The following TRIT1 variants were observed in gnomAD, a reference collection of about 807,000 sequenced individuals.
The protein encoded by TRIT1 is tRNA isopentenyltransferase 1.
In TRIT1, 43 loss-of-function variants were observed where a neutral mutation model predicts 51.2. The observed-to-expected ratio is 0.84, with a 90% CI of 0.66 to 1.08. The LOEUF is 1.08. Among genes scored for constraint, TRIT1 ranks in the 50% least tolerant of loss-of-function variants. The pLI is 0.00. For missense variants in TRIT1, 528 were observed against 578.4 expected, an observed-to-expected ratio of 0.91 and a Z score of 0.89; for synonymous variants, 184 against 203.9, an observed-to-expected ratio of 0.90 and a Z score of 0.83.
At chr1:39,866,378 G>T (rs1459113173) in intron 1 of TRIT1, among the ~76,000 whole-genome samples, 1 of 152,138 alleles carries the variant, frequency 6.6e-6, no homozygotes, top group Non-Finnish European at 1.5e-5. Flanking sequence ...CGGGAGAAAA[G>T]ATAGTTTTAG....
intron 9 of TRIT1, 141 bp downstream of exon 9, chr1:39,844,390 T>G (rs1642101302): frequency 1.2e-6 from 1 of 834,754 alleles, no homozygotes; most frequent in African/African-American, 1.7e-5. Flanking sequence ...AAAAGCAGTC[T>G]CCAGGTATTA....
Position 39,883,310 on chromosome 1 carries a change from T to A in TRIT1, c.174+8A>T, listed in dbSNP as rs765786470. 6.2e-7 allele frequency: 1 copy of A among 1,601,150 alleles called. No homozygotes were observed. The highest frequency in any genetic ancestry group is 1.1e-5 in the South Asian group (1 of 89,556). ...CCCCAGGCGCCCGGGCCAGCCGCAC[T>A]GCCATACCTGCATGGAGTCAGCGCT... On this transcript the variant is annotated splice_region_variant and intron_variant, in intron 1 of 10. Transcript: ENST00000316891.
At position 39,852,861 on chromosome 1, in the gene TRIT1, T is replaced by A. The variant is rs1430106590; in HGVS notation, c.430A>T (p.Thr144Ser). 1.2e-6 allele frequency: 2 copies of A among 1,614,218 alleles called. No homozygotes were observed. The highest frequency in any genetic ancestry group is 3.3e-5 in the Admixed American group (2 of 60,030). Residue 144 changes from threonine to serine, a missense_variant, in exon 4 of 11, where the codon ACT becomes TCT. Thr to Ser is a moderately conservative substitution (Grantham distance 58). Coordinates refer to ENST00000316891, the MANE Select transcript of TRIT1 (RefSeq NM_017646.6). ...ACTTTTCGGTCAATCACTTTCTCAG[T>A]GCCCATCTCCTGGGGCTATTAAATG... The part of the protein sequence containing the change: ...LVNTKPQEMG[T>S]EKVIDRKVEL...
chr1:39,852,087 T>C (rs1557543784), intron 4 of TRIT1, among the ~76,000 whole-genome samples: 3 of 152,042 alleles, frequency 2.0e-5, no homozygotes, highest in African/African-American at 4.8e-5. Flanking sequence ...CCCCTATGAA[T>C]ATGAGATGTT....
rs1642895943 is a variant in TRIT1, at chr1:39,856,345, G to A, written c.315+932C>T. On this transcript the variant is annotated intron_variant, in intron 2 of 10. Coordinates refer to ENST00000316891, the MANE Select transcript of TRIT1 (RefSeq NM_017646.6). ...ATAAAATGAAAATAATCAGCTGGGT[G>A]TGGTGGTAAGCACCTGTAGTCCCAG... is the stretch of plus-strand genomic sequence containing the variant. Among the ~76,000 whole-genome samples the A allele has an allele frequency of 2.0e-5, 3 of 152,038 alleles. No individual in the cohort carries two copies. In the South Asian group the frequency reaches 6.2e-4, roughly 32 times the overall value.
In TRIT1 at chr1:39,850,221, C is replaced by G. The variant is rs752192261; in HGVS notation, c.601G>C (p.Glu201Gln). 6.8e-6 allele frequency: 11 copies of G among 1,614,170 alleles called. No homozygotes were observed. The Admixed American group carries it at 8.3e-5, about 12-fold the overall frequency. ...TCCGTATGTTGACGATGGAGAAATT[C>G]ACTATGAGAGATTCCTGTTTCTTCA... ...VFEETGISHS[E>Q]FLHRQHTEEG... The change falls in exon 5 of 11, where the codon GAA becomes CAA. Residue 201 changes from glutamate (E) to glutamine (Q), a missense_variant. Glu to Gln is a conservative substitution (Grantham distance 29). Around this residue, in one of 3 missense-constraint regions of TRIT1, gnomAD observed 468 missense variants for 522.6 expected, o/e 0.90. Coordinates refer to ENST00000316891, the MANE Select transcript of TRIT1 (RefSeq NM_017646.6).
chr1:39,864,978 C>G (rs555714248), intron 1 of TRIT1, among the ~76,000 whole-genome samples: 1 of 152,214 alleles, frequency 6.6e-6, no homozygotes, highest in Non-Finnish European at 1.5e-5. Flanking sequence ...CCTTCAATCA[C>G]TTTCTTGCCT....
chr1:39,862,310 AT>A lies in TRIT1; in HGVS notation c.175-4894del, dbSNP rs1298572451. 4.9e-5 allele frequency among the ~76,000 whole-genome samples: 6 copies of A among 123,014 alleles called. No individual in the cohort carries two copies. The East Asian group carries it at 6.4e-4, about 13-fold the overall frequency. 80.7% of individuals were successfully genotyped at this position (123,014 alleles called of 152,430 possible). ...GGTTAATGGTCAATGTTATATCACA[AT>A]TTAAAAAAAAAAAAAAAAAGACTTG... On this transcript the variant is annotated intron_variant, in intron 1 of 10. Coordinates refer to ENST00000316891, the MANE Select transcript of TRIT1 (RefSeq NM_017646.6).
At chr1:39,847,938 T>G in intron 6 of TRIT1, 48 bp downstream of exon 6, 1 of 1,553,896 alleles carries the variant, frequency 6.4e-7, no homozygotes, top group South Asian at 1.1e-5. Context: ...GTCTTTTGAT[T>G]GTCTGCAAAA....
chr1:39,883,212 C>G (rs1570163821), intron 1 of TRIT1, 106 bp downstream of exon 1: 5 of 1,254,922 alleles, frequency 4.0e-6, no homozygotes, highest in Non-Finnish European at 5.5e-6. Flanking sequence ...TTACCTACCC[C>G]CTCCGCCCCT....
Position 39,838,572 on chromosome 1 carries a change from AG to A in TRIT1, c.*3171del, listed in dbSNP as rs1652461215. ...CTGAAGCCTCAATCTCCCAGGCCCA[AG>A]CCATCCTCCTACCTGAGCCTTCCAC... On this transcript the variant is annotated 3_prime_UTR_variant, in exon 11 of 11. Coordinates refer to ENST00000316891, the MANE Select transcript of TRIT1 (RefSeq NM_017646.6). 6.6e-6 allele frequency among the ~76,000 whole-genome samples: 1 copy of A among 152,194 alleles called. No homozygotes were observed. Among genetic ancestry groups the A allele is most frequent in the South Asian group, 2.1e-4 (1 of 4,832 alleles).
chr1:39,845,807 G>A (rs1642190049), intron 8 of TRIT1, among the ~76,000 whole-genome samples: 1 of 152,178 alleles, frequency 6.6e-6, no homozygotes, highest in Admixed American at 6.5e-5. Context: ...CCATATCCCA[G>A]CAGACCAGCC....
At chr1:39,869,175 G>A (rs185286982) in intron 1 of TRIT1, among the ~76,000 whole-genome samples, 184 of 151,120 alleles carry the variant, frequency 1.2e-3, no homozygotes, top group Non-Finnish European at 1.6e-3. Context: ...CTGTAGTGCC[G>A]CCATCTCGGC....
chr1:39,856,007 C>A (rs1642874685), intron 2 of TRIT1, among the ~76,000 whole-genome samples: 1 of 151,794 alleles, frequency 6.6e-6, no homozygotes, highest in African/African-American at 2.4e-5. Context: ...CAAAATCCAT[C>A]TCTACAAAAA....
chr1:39,847,412 T>C, intron 7 of TRIT1, 115 bp from the exon 8 acceptor site: 4 of 1,431,122 alleles, frequency 2.8e-6, no homozygotes, highest in Non-Finnish European at 3.9e-6. Context: ...ATGTCAGACT[T>C]GGTGGACAAA....
At chr1:39,874,239 G>C (rs748525294) in intron 1 of TRIT1, among the ~76,000 whole-genome samples, 1 of 151,858 alleles carries the variant, frequency 6.6e-6, no homozygotes, top group Non-Finnish European at 1.5e-5. Context: ...TTAATATTTG[G>C]GGCCAAATAA....
At chr1:39,846,573 G>A (rs1368653792) in intron 8 of TRIT1, among the ~76,000 whole-genome samples, 1 of 152,134 alleles carries the variant, frequency 6.6e-6, no homozygotes, top group Non-Finnish European at 1.5e-5. Flanking sequence ...CCGACTAGCT[G>A]GGTGATTTTT....
intron 1 of TRIT1, among the ~76,000 whole-genome samples, chr1:39,869,085 C>A (rs181602742): frequency 1.3e-5 from 2 of 151,792 alleles, no homozygotes; most frequent in Admixed American, 1.3e-4. Context: ...CTCTCCCTCT[C>A]CCCCTCCCCC....
At chr1:39,869,613 G>T (rs1212439268) in intron 1 of TRIT1, among the ~76,000 whole-genome samples, 1 of 152,054 alleles carries the variant, frequency 6.6e-6, no homozygotes, top group Non-Finnish European at 1.5e-5. Flanking sequence ...AGTCTGGGAA[G>T]TGAGGAGCGC....
Sources: allele counts gnomAD v4.1 joint callset (sites outside exome capture counted in the v4.1 genomes callset), GRCh38; gene constraint gnomAD v4.1.1; regional missense constraint gnomAD v4.1.1; transcripts MANE v1.5; gene names NCBI Gene and HGNC (gene_info 2026-07-23, HGNC 2026-07-21).